Variants in KREMEN1 observed in about 807,000 individuals in gnomAD.
KREMEN1 encodes kringle containing transmembrane protein 1, also known as kremen protein 1.
Under a neutral mutation model 46.5 loss-of-function variants are expected in KREMEN1, and 30 were observed. That is an observed-to-expected ratio of 0.65 (90% CI 0.48 to 0.88). The LOEUF (loss-of-function observed/expected upper bound fraction) is 0.88, where lower values mean the gene tolerates loss of function less well. Among genes scored for constraint, KREMEN1 ranks in the 40% least tolerant of loss-of-function variants. KREMEN1 has a pLI of 0.00. For missense variants in KREMEN1, 533 were observed against 596.9 expected, an observed-to-expected ratio of 0.89 and a Z score of 1.11; for synonymous variants, 214 against 230.6, an observed-to-expected ratio of 0.93 and a Z score of 0.65.
In KREMEN1 at chr22:29,114,758, A is replaced by C. The variant is rs373034719; in HGVS notation, c.353-6599A>C. Among the ~76,000 whole-genome samples, 7 of 152,314 alleles carry C rather than the reference A, an allele frequency of 4.6e-5. No individual in the cohort carries two copies. The South Asian group carries it at 1.5e-3, about 32-fold the overall frequency. Reference sequence around the variant, plus strand: ...TTAACTATTAAAGTCAGATACTAGAACATAAAAAAGCACACCAGTCTGGGG... The same window carrying C: ...TTAACTATTAAAGTCAGATACTAGACCATAAAAAAGCACACCAGTCTGGGG... On this transcript the variant is annotated intron_variant, in intron 3 of 8. Coordinates refer to ENST00000400335, the MANE Select transcript of KREMEN1 (RefSeq NM_001039570.3).
intron 3 of KREMEN1, among the ~76,000 whole-genome samples, chr22:29,118,599 G>A (rs1228236398): frequency 6.6e-6 from 1 of 152,058 alleles, no homozygotes; most frequent in Non-Finnish European, 1.5e-5. Flanking sequence ...GAGAGAGGGG[G>A]CTCTGGTCTC....
intron 5 of KREMEN1, among the ~76,000 whole-genome samples, chr22:29,133,125 G>A (rs2038590542): frequency 6.6e-6 from 1 of 152,008 alleles, no homozygotes; most frequent in African/African-American, 2.4e-5. Context: ...GCGCATGCCT[G>A]TAGTCCCAGC....
chr22:29,146,001 G>A lies in KREMEN1; in HGVS notation c.*3889G>A. On this transcript the variant is annotated 3_prime_UTR_variant, in exon 9 of 9. Coordinates refer to ENST00000400335, the MANE Select transcript of KREMEN1 (RefSeq NM_001039570.3). The stretch of plus-strand genomic sequence containing the variant: ...CATCACCCAGCCCCGATGCATCCTG[G>A]CACTGCACGCTTACTCTTCACAAGC... The A allele has an allele frequency of 1.0e-6, 1 of 985,906 alleles. No homozygotes were observed. The highest frequency in any genetic ancestry group is 1.2e-6 in the Non-Finnish European group (1 of 830,030). The allele number at this position is 985,906 out of a possible 1,614,324, so 61.1% of individuals were successfully genotyped here. A position where few individuals can be genotyped will look rare whatever the true frequency, so the allele number is the denominator to read the frequency against.
downstream of KREMEN1, among the ~76,000 whole-genome samples, chr22:29,149,846 G>A (rs1364876096): frequency 6.6e-6 from 1 of 152,276 alleles, no homozygotes; most frequent in East Asian, 1.9e-4. Flanking sequence ...CACCAGGGCA[G>A]CACCAGCCCC....
At position 29,143,842 on chromosome 22, in the gene KREMEN1, TG is replaced by T. The variant is rs1371128189; in HGVS notation, c.*1731del. 6.0e-5 allele frequency: 59 copies of T among 985,390 alleles called. No individual in the cohort carries two copies. Among genetic ancestry groups the T allele is most frequent in the Non-Finnish European group, 7.1e-5 (59 of 830,050 alleles). The allele number at this position is 985,390 out of a possible 1,614,324, so 61.0% of individuals were successfully genotyped here. ...GCTCAGTGGGGAAGGAGAGCACTCTTGTCCCCAGTCCCTTGCCACCCTGTCC... is the reference window on the plus strand; with the variant it reads ...GCTCAGTGGGGAAGGAGAGCACTCTTTCCCCAGTCCCTTGCCACCCTGTCC... On this transcript the variant is annotated 3_prime_UTR_variant, in exon 9 of 9. Transcript: ENST00000400335.
chr22:29,102,855 T>A (rs1601770688), intron 3 of KREMEN1, among the ~76,000 whole-genome samples: 1 of 152,178 alleles, frequency 6.6e-6, no homozygotes, highest in African/African-American at 2.4e-5. Context: ...GAATGAGAGC[T>A]CTATAGTACC....
intron 3 of KREMEN1, among the ~76,000 whole-genome samples, chr22:29,115,125 A>G (rs1484926797): frequency 6.6e-6 from 1 of 152,216 alleles, no homozygotes; most frequent in Non-Finnish European, 1.5e-5. Context: ...CTCTAATGGC[A>G]TTCGCAGCAA....
At chr22:29,102,236 G>A (rs1339097249) in intron 3 of KREMEN1, among the ~76,000 whole-genome samples, 3 of 152,100 alleles carry the variant, frequency 2.0e-5, no homozygotes, top group Non-Finnish European at 2.9e-5. Context: ...AGGGGGAAAG[G>A]CAGCCCCTGA....
At chr22:29,103,342 A>C (rs1455862280) in intron 3 of KREMEN1, among the ~76,000 whole-genome samples, 1 of 152,178 alleles carries the variant, frequency 6.6e-6, no homozygotes, top group East Asian at 1.9e-4. Context: ...CATTGTGTGG[A>C]AACCAGATCT....
intron 3 of KREMEN1, among the ~76,000 whole-genome samples, chr22:29,120,908 G>A (rs1601789509): frequency 6.6e-6 from 1 of 152,244 alleles, no homozygotes; most frequent in African/African-American, 2.4e-5. Flanking sequence ...AAAAGTCCTT[G>A]AGGAAACCCA....
rs2038841631 is a variant in KREMEN1, at chr22:29,145,434, C to T, written c.*3322C>T. On this transcript the variant is annotated 3_prime_UTR_variant, in exon 9 of 9. Transcript: ENST00000400335. The stretch of plus-strand genomic sequence containing the variant: ...GTGGGAGGAGGCTGCACTGGGCCTG[C>T]GTGCCATCCTCACCCCTGTTCCCCG... 1.0e-6 allele frequency: 1 copy of T among 984,038 alleles called. No homozygotes were observed. The highest frequency in any genetic ancestry group is 1.2e-6 in the Non-Finnish European group (1 of 829,224). 61.0% of individuals were successfully genotyped at this position (984,038 alleles called of 1,614,324 possible). A position where few individuals can be genotyped will look rare whatever the true frequency, so the allele number is the denominator to read the frequency against.
Position 29,144,577 on chromosome 22 carries a change from C to T in KREMEN1, c.*2465C>T. ...ATACCAACACGTGCAGTCTCCCCTC[C>T]AAGCTATTCATGCTGTTTGTGGAAT... is the stretch of plus-strand genomic sequence containing the variant. On this transcript the variant is annotated 3_prime_UTR_variant, in exon 9 of 9. Transcript: ENST00000400335. The T allele has an allele frequency of 1.9e-5, 19 of 985,552 alleles. No individual in the cohort carries two copies. Among genetic ancestry groups the T allele is most frequent in the Non-Finnish European group, 2.2e-5 (18 of 829,990 alleles). 61.1% of individuals were successfully genotyped at this position (985,552 alleles called of 1,614,324 possible). A position where few individuals can be genotyped will look rare whatever the true frequency, so the allele number is the denominator to read the frequency against.
chr22:29,107,218 C>CTTTTTT (rs1188000476), intron 3 of KREMEN1, among the ~76,000 whole-genome samples: 1 of 111,926 alleles, frequency 8.9e-6, no homozygotes, highest in Non-Finnish European at 1.7e-5. Context: ...ACCATTTATA[C>CTTTTTT]TTTTTTTTTT....
intron 4 of KREMEN1, among the ~76,000 whole-genome samples, chr22:29,124,962 T>C (rs2145820751): frequency 6.6e-6 from 1 of 152,338 alleles, no homozygotes; most frequent in South Asian, 2.1e-4. Context: ...ATAAAATGTT[T>C]AGCTGTTACT....
intron 2 of KREMEN1, among the ~76,000 whole-genome samples, chr22:29,094,911 A>C (rs577090006): frequency 6.6e-6 from 1 of 152,302 alleles, no homozygotes; most frequent in African/African-American, 2.4e-5. Flanking sequence ...GGCGTGAGCC[A>C]CCGCGCCCGG....
rs116828661 is a variant in KREMEN1 at position 29,133,798 on chromosome 22, T to C, written c.632-3544T>C. Among the ~76,000 whole-genome samples, 1,364 of 152,286 alleles carry C rather than the reference T, an allele frequency of 9.0e-3. 14 individuals are homozygous for C. Among genetic ancestry groups the C allele is most frequent in the African/African-American group, 0.031 (1,301 of 41,542 alleles). On this transcript the variant is annotated intron_variant, in intron 5 of 8. Coordinates refer to ENST00000400335, the MANE Select transcript of KREMEN1 (RefSeq NM_001039570.3). ...ATTATCTCTTCAAACATTTCTTCTG[T>C]TCCATTCTTTTTTTCTTCTTTTGGC...
At chr22:29,118,368 G>A (rs749233969) in intron 3 of KREMEN1, among the ~76,000 whole-genome samples, 3 of 152,120 alleles carry the variant, frequency 2.0e-5, no homozygotes, top group African/African-American at 7.2e-5. Context: ...TCACACTCAG[G>A]GGGAGGAGAT....
Position 29,143,611 on chromosome 22 carries a change from G to C in KREMEN1, c.*1499G>C, listed in dbSNP as rs1349505926. ...CAAAAAATTAGCTGGGTGTGGTGGTGGGCGCCTGTAGTCCCAGCTGCTCGG... is the reference window on the plus strand; with the variant it reads ...CAAAAAATTAGCTGGGTGTGGTGGTCGGCGCCTGTAGTCCCAGCTGCTCGG... On this transcript the variant is annotated 3_prime_UTR_variant, in exon 9 of 9. Coordinates refer to ENST00000400335, the MANE Select transcript of KREMEN1 (RefSeq NM_001039570.3). The C allele has an allele frequency of 6.3e-6, 4 of 631,326 alleles. No homozygotes were observed. In the African/African-American group the frequency reaches 8.0e-5, roughly 13 times the overall value. 39.1% of individuals were successfully genotyped at this position (631,326 alleles called of 1,614,324 possible).
At position 29,140,379 on chromosome 22, in the gene KREMEN1, G is replaced by A. The variant is rs2038742916; in HGVS notation, c.1208+13G>A. The A allele has an allele frequency of 6.3e-7, 1 of 1,588,600 alleles. No homozygotes were observed. On this transcript the variant is annotated intron_variant, in intron 8 of 8. Coordinates refer to ENST00000400335, the MANE Select transcript of KREMEN1 (RefSeq NM_001039570.3). Reference sequence around the variant, plus strand: ...ACGTCACATTCAAGTGAGTACAAGAGGGAGCTGCCCAATTCCAGGAAAGGG... The same window carrying A: ...ACGTCACATTCAAGTGAGTACAAGAAGGAGCTGCCCAATTCCAGGAAAGGG...
Sources: gnomAD v4.1 joint callset for allele counts (sites outside exome capture counted in the v4.1 genomes callset) on GRCh38, gnomAD v4.1.1 for gene constraint, MANE v1.5 for transcripts, NCBI Gene and HGNC (gene_info 2026-07-23, HGNC 2026-07-21) for gene names.